Variants in NLGN4X observed in about 807,000 individuals in gnomAD.
NLGN4X encodes the protein neuroligin-4, X-linked.
NLGN4X carries 3 observed loss-of-function variants against 40.3 expected under a neutral mutation model. The observed-to-expected ratio is 0.07, with a 90% CI of 0.03 to 0.19. The LOEUF is 0.19. Among genes scored for constraint, NLGN4X ranks in the 10% least tolerant of loss-of-function variants. The probability of loss-of-function intolerance (pLI) is 1.00; values close to 1 mark genes in which losing one functional copy is unlikely to be tolerated. For synonymous variants in NLGN4X, 270 were observed against 306.8 expected, an observed-to-expected ratio of 0.88 and a Z score of 1.25; for missense variants, 382 against 708.3, an observed-to-expected ratio of 0.54 and a Z score of 5.23.
At chrX:6,184,572 C>T (rs908769383) in intron 1 of NLGN4X, among the ~76,000 whole-genome samples, 32 of 110,178 alleles carry the variant, frequency 2.9e-4, no homozygotes, top group African/African-American at 9.0e-4. Flanking sequence ...AGACTCAACA[C>T]TCAATTGCTT....
At chrX:6,042,740 C>CACACAT (rs56329844) in intron 2 of NLGN4X, among the ~76,000 whole-genome samples, 1 of 66,999 alleles carries the variant, frequency 1.5e-5, no homozygotes, top group African/African-American at 5.3e-5. Flanking sequence ...TACACACACA[C>CACACAT]GTACACATAT....
At chrX:6,017,566 T>TAA (rs1047617749) in intron 3 of NLGN4X, among the ~76,000 whole-genome samples, 3 of 112,083 alleles carry the variant, frequency 2.7e-5, no homozygotes, top group Non-Finnish European at 3.8e-5. Flanking sequence ...CCCACCTGTT[T>TAA]AAGACTATAG....
At chrX:5,937,711 G>T (rs984865099) in intron 3 of NLGN4X, among the ~76,000 whole-genome samples, 1 of 111,552 alleles carries the variant, frequency 9.0e-6, no homozygotes, top group Non-Finnish European at 1.9e-5. Flanking sequence ...GCTGGTACAA[G>T]TAACTATTGG....
chrX:6,139,660 T>C (rs1218709156), intron 2 of NLGN4X, among the ~76,000 whole-genome samples: 1 of 111,744 alleles, frequency 8.9e-6, no homozygotes, highest in Non-Finnish European at 1.9e-5. Flanking sequence ...TTTGCCTCCA[T>C]TTTCTTTTCC....
chrX:5,963,114 G>A (rs1390630060), intron 3 of NLGN4X, among the ~76,000 whole-genome samples: 4 of 110,157 alleles, frequency 3.6e-5, no homozygotes, highest in African/African-American at 6.6e-5. Context: ...CACAGCCTAC[G>A]TTGCCATGAA....
Position 5,890,769 on chromosome X carries a change from A to T in NLGN4X, c.*2048T>A, listed in dbSNP as rs1003779897. On this transcript the variant is annotated 3_prime_UTR_variant, in exon 6 of 6. Transcript: ENST00000381095. The stretch of plus-strand genomic sequence containing the variant: ...TTCACATATTTATATACAGAGAATC[A>T]CTCTCAAATTTAACCCAAGATAAGC... 4 of 296,534 alleles carry T rather than the reference A, an allele frequency of 1.3e-5. No individual in the cohort carries two copies. Among genetic ancestry groups the T allele is most frequent in the Non-Finnish European group, 2.5e-5 (4 of 157,163 alleles). 24.4% of individuals were successfully genotyped at this position (296,534 alleles called of 1,213,427 possible).
At chrX:6,108,588 G>A (rs1221506393) in intron 2 of NLGN4X, among the ~76,000 whole-genome samples, 1 of 111,319 alleles carries the variant, frequency 9.0e-6, no homozygotes, top group Non-Finnish European at 1.9e-5. Flanking sequence ...GGAAGCTCAG[G>A]TGGGAGGATC....
At chrX:6,100,266 T>C (rs1013962782) in intron 2 of NLGN4X, among the ~76,000 whole-genome samples, 5 of 112,274 alleles carry the variant, frequency 4.5e-5, no homozygotes, top group Non-Finnish European at 9.4e-5. Flanking sequence ...CCTTCCAGCA[T>C]GGGGGTCATG....
intron 1 of NLGN4X, among the ~76,000 whole-genome samples, chrX:6,158,086 AT>A (rs2040309395): frequency 1.8e-5 from 2 of 111,883 alleles, no homozygotes; most frequent in African/African-American, 6.5e-5. Flanking sequence ...TCCAGACACA[AT>A]TTCTAAATCT....
At position 6,140,152 on chromosome X, in the gene NLGN4X, G is replaced by A. The variant is rs151199364; in HGVS notation, c.472+10843C>T. ...CAAGAACCTACAATTTTCATATCTT[G>A]TTGAAACCCACCACAAGAGCTCCTT... On this transcript the variant is annotated intron_variant, in intron 2 of 5. Transcript: ENST00000381095. Among the ~76,000 whole-genome samples the A allele has an allele frequency of 9.1e-3, 1,011 of 111,481 alleles. 8 individuals are homozygous for A. The highest frequency in any genetic ancestry group is 0.032 in the African/African-American group (971 of 30,673).
Position 6,131,724 on chromosome X carries a change from T to G in NLGN4X, c.472+19271A>C, listed in dbSNP as rs757098676. Among the ~76,000 whole-genome samples, 8 of 112,541 alleles carry G rather than the reference T, an allele frequency of 7.1e-5. No individual in the cohort carries two copies. In the South Asian group the frequency reaches 2.9e-3, roughly 41 times the overall value. ...GAGCACTTTGGGGATGGTCAAGAAC[T>G]GTGCATTGTAGGACTTGTCCCTTTT... On this transcript the variant is annotated intron_variant, in intron 2 of 5. Transcript: ENST00000381095.
At chrX:5,997,645 T>C (rs2147117924) in intron 3 of NLGN4X, among the ~76,000 whole-genome samples, 1 of 104,793 alleles carries the variant, frequency 9.5e-6, no homozygotes, top group East Asian at 2.9e-4. Flanking sequence ...CACGTATATA[T>C]ATATATATAT....
At chrX:6,046,392 T>A (rs752699076) in intron 2 of NLGN4X, among the ~76,000 whole-genome samples, 3 of 111,716 alleles carry the variant, frequency 2.7e-5, no homozygotes, top group Non-Finnish European at 5.7e-5. Context: ...TTCCCATCAT[T>A]ACATTATTTA....
intron 3 of NLGN4X, among the ~76,000 whole-genome samples, chrX:5,952,426 C>T (rs552295031): frequency 9.1e-5 from 10 of 110,076 alleles, no homozygotes; most frequent in African/African-American, 2.3e-4. Flanking sequence ...GGGTTTCTTA[C>T]GTAAGACCCT....
chrX:6,088,592 T>C (rs2038557743), intron 2 of NLGN4X, among the ~76,000 whole-genome samples: 1 of 111,888 alleles, frequency 8.9e-6, no homozygotes, highest in Non-Finnish European at 1.9e-5. Flanking sequence ...TATACATTAT[T>C]AGGTTACTAA....
At chrX:5,965,164 TACAC>T (rs1259403573) in intron 3 of NLGN4X, among the ~76,000 whole-genome samples, 1 of 111,935 alleles carries the variant, frequency 8.9e-6, no homozygotes, top group African/African-American at 3.2e-5. Context: ...AAACCTGTCA[TACAC>T]ACACAATGAG....
intron 1 of NLGN4X, among the ~76,000 whole-genome samples, chrX:6,167,479 C>T (rs2147763680): frequency 8.9e-6 from 1 of 112,186 alleles, no homozygotes; most frequent in East Asian, 2.8e-4. Context: ...ACAAACATGT[C>T]CTTCCATTCA....
intron 3 of NLGN4X, among the ~76,000 whole-genome samples, chrX:5,927,176 A>C (rs548589569): frequency 8.9e-6 from 1 of 112,022 alleles, no homozygotes; most frequent in South Asian, 3.7e-4. Context: ...CAATTAGAAA[A>C]ATATAAAAGA....
At chrX:6,193,929 C>T (rs752217470) in intron 1 of NLGN4X, among the ~76,000 whole-genome samples, 6 of 112,443 alleles carry the variant, frequency 5.3e-5, no homozygotes, top group Non-Finnish European at 1.1e-4. Context: ...TTAGAAATCA[C>T]TTATTTGCAA....
Sources: allele counts gnomAD v4.1 joint callset (sites outside exome capture counted in the v4.1 genomes callset), GRCh38; gene constraint gnomAD v4.1.1; transcripts MANE v1.5; gene names NCBI Gene and HGNC (gene_info 2026-07-23, HGNC 2026-07-21).